Variants in MIER2 observed in about 807,000 individuals in gnomAD.
The protein encoded by MIER2 is MIER family member 2.
In MIER2, 30 loss-of-function variants were observed where a neutral mutation model predicts 67.6. The observed-to-expected ratio is 0.44, with a 90% CI of 0.33 to 0.60. The LOEUF is 0.60. Among genes scored for constraint, MIER2 ranks in the 20% least tolerant of loss-of-function variants. The pLI is 0.02. For synonymous variants in MIER2, 372 were observed against 312.6 expected (o/e 1.19, Z -2.00); for missense variants, 702 against 745.1 (o/e 0.94, Z 0.67).
rs141505934 is a variant in MIER2 at position 308,623 on chromosome 19, G to T, written c.1152C>A (p.Pro384=). 1.8e-3 allele frequency: 2,826 copies of T among 1,606,474 alleles called. 4 individuals carry two copies. The highest frequency in any genetic ancestry group is 2.2e-3 in the Non-Finnish European group (2,645 of 1,177,770). The change falls in exon 12 of 14, where the codon CCC becomes CCA. Residue 384 remains proline, a synonymous_variant. Transcript: ENST00000264819. This position sits in a 1 kb window ranked among gnomAD's most constrained non-coding sequence, Gnocchi z 9.1. The part of the protein sequence containing the change: ...QDLDGSDPDG[P]GRPRPEQDTL... ...TGTCTTGCTCCGGGCGCGGACGGCCGGGGCCATCGGGGTCGCTGCCATCCA... is the reference window on the plus strand; with the variant it reads ...TGTCTTGCTCCGGGCGCGGACGGCCTGGGCCATCGGGGTCGCTGCCATCCA...
At chr19:317,337 C>T (rs1971283450) in intron 7 of MIER2, among the ~76,000 whole-genome samples, 2 of 151,914 alleles carry the variant, frequency 1.3e-5, no homozygotes. Flanking sequence ...ACCACCCGGG[C>T]TAACACGGTG....
rs759416607 is a variant in MIER2, at chr19:330,785, CAAG to C, written c.244-2799_244-2797del. Among the ~76,000 whole-genome samples, 19 of 152,160 alleles carry C rather than the reference CAAG, an allele frequency of 1.2e-4. No individual in the cohort carries two copies. The East Asian group carries it at 3.7e-3, about 30-fold the overall frequency. On this transcript the variant is annotated intron_variant, in intron 3 of 13. Coordinates refer to ENST00000264819, the MANE Select transcript of MIER2 (RefSeq NM_017550.3). ...TCCACCATGTGAGGACACAGCAAGC[CAAG>C]AAGAGAGCCGGCACCAGAACCCACT... is the stretch of plus-strand genomic sequence containing the variant.
In MIER2 at chr19:326,417, G is replaced by C. The variant is rs561466217; in HGVS notation, c.585+90C>G. ...CACGGCCGGGATGCCAGGCTGGGGA[G>C]ACGGCAGAGCCACGGTCGGGATGCC... On this transcript the variant is annotated intron_variant, in intron 6 of 13. Coordinates refer to ENST00000264819, the MANE Select transcript of MIER2 (RefSeq NM_017550.3). 38 of 1,096,712 alleles carry C rather than the reference G, an allele frequency of 3.5e-5. No individual in the cohort carries two copies. The East Asian group carries it at 7.6e-4, about 22-fold the overall frequency. The allele number at this position is 1,096,712 out of a possible 1,614,324, so 67.9% of individuals were successfully genotyped here. A position where few individuals can be genotyped will look rare whatever the true frequency, so the allele number is the denominator to read the frequency against.
At chr19:327,307 G>T (rs766277126) in intron 4 of MIER2, 51 bp from the exon 5 acceptor site, 1 of 1,547,074 alleles carries the variant, frequency 6.5e-7, no homozygotes, top group Admixed American at 2.1e-5. Context: ...TAACAATCTC[G>T]CAATACCACT....
intron 7 of MIER2, 111 bp downstream of exon 7, chr19:325,524 G>A: frequency 8.0e-7 from 1 of 1,245,914 alleles, no homozygotes; most frequent in Non-Finnish European, 1.2e-6. Flanking sequence ...AGCTGCCCCA[G>A]TGAGCGATGC....
rs1157378606 is a variant in MIER2, at chr19:311,521, A to G, written c.984+324T>C. 2.0e-5 allele frequency among the ~76,000 whole-genome samples: 3 copies of G among 152,322 alleles called. No homozygotes were observed. The East Asian group carries it at 5.8e-4, about 29-fold the overall frequency. On this transcript the variant is annotated intron_variant, in intron 10 of 13. Coordinates refer to ENST00000264819, the MANE Select transcript of MIER2 (RefSeq NM_017550.3). ...TGGGGCCAATGCTGGACACTGAGCC[A>G]GCAGGCTCTGCTCAGAGGACACAGA...
In MIER2 at chr19:334,459, C is replaced by G; in HGVS notation, c.184G>C (p.Glu62Gln). 4 of 1,614,190 alleles carry G rather than the reference C, an allele frequency of 2.5e-6. No individual in the cohort carries two copies. The highest frequency in any genetic ancestry group is 3.4e-6 in the Non-Finnish European group (4 of 1,180,026). Residue 62 changes from glutamate to glutamine, a missense_variant, in exon 3 of 14, where the codon GAG becomes CAG. Glu to Gln is a conservative substitution (Grantham distance 29). Transcript: ENST00000264819. The stretch of plus-strand genomic sequence containing the variant: ...GGCTTGTCTGGGCACCTCGAGGCCT[C>G]CTCGCACTCCCCCCTAACACTGTAG... Reference protein sequence around the residue: ...QNYSVRGECEEASRCPDKPKE... With the variant: ...QNYSVRGECEQASRCPDKPKE...
intron 2 of MIER2, among the ~76,000 whole-genome samples, chr19:335,007 C>T (rs1329233550): frequency 2.0e-5 from 3 of 152,128 alleles, no homozygotes; most frequent in African/African-American, 4.8e-5. Flanking sequence ...AATGGGGGCT[C>T]GACAACACCA....
chr19:319,055 CAA>C (rs71171975), intron 7 of MIER2, among the ~76,000 whole-genome samples: 6 of 129,698 alleles, frequency 4.6e-5, no homozygotes, highest in Non-Finnish European at 6.4e-5. Context: ...GACTCTGTCT[CAA>C]AAAAAAAAAA....
Position 327,885 on chromosome 19 carries a change from G to A in MIER2, c.348C>T (p.Leu116=). ...ESEGGDVAPN[L]PDMTLDKEQI... Reference sequence around the variant, plus strand: ...TTACTTTGTCCAGGGTCATGTCTGGGAGGTTCGGGGCCACGTCACCACCCT... The same window carrying A: ...TTACTTTGTCCAGGGTCATGTCTGGAAGGTTCGGGGCCACGTCACCACCCT... The change falls in exon 4 of 14, where the codon CTC becomes CTT. Residue 116 remains leucine (L), a synonymous_variant. Coordinates refer to ENST00000264819, the MANE Select transcript of MIER2 (RefSeq NM_017550.3). The A allele has an allele frequency of 2.5e-6, 4 of 1,612,492 alleles. No homozygotes were observed. The highest frequency in any genetic ancestry group is 3.4e-6 in the Non-Finnish European group (4 of 1,179,224).
At chr19:327,768 T>A in intron 4 of MIER2, 96 bp downstream of exon 4, 2 of 1,534,886 alleles carry the variant, frequency 1.3e-6, no homozygotes, top group Non-Finnish European at 1.7e-6. Context: ...GGGGCCTTTG[T>A]GCCTCCTCTC....
Position 307,293 on chromosome 19 carries a change from G to T in MIER2, c.1442C>A (p.Pro481His). The T allele has an allele frequency of 6.3e-7, 1 of 1,599,630 alleles. No individual in the cohort carries two copies. The highest frequency in any genetic ancestry group is 1.7e-5 in the Admixed American group (1 of 57,428). The change falls in exon 13 of 14, where the codon CCC becomes CAC. Residue 481 changes from proline (P) to histidine (H), a missense_variant. Physicochemically the swap from Pro to His is moderately conservative, Grantham distance 77. Coordinates refer to ENST00000264819, the MANE Select transcript of MIER2 (RefSeq NM_017550.3). ...GAGGTCCACATGGCTGGAGATGAGG[G>T]GCAGCTCCTTGGGCAGGGCGAAGTC... is the stretch of plus-strand genomic sequence containing the variant. ...AVDFALPKEL[P>H]LISSHVDLSG...
intron 1 of MIER2, among the ~76,000 whole-genome samples, chr19:343,648 G>A (rs1168013997): frequency 6.6e-6 from 1 of 152,198 alleles, no homozygotes; most frequent in African/African-American, 2.4e-5. Context: ...GGCTTCCCAC[G>A]AGGCGGCTGT....
At chr19:313,667 C>T (rs766575450) in intron 7 of MIER2, 24 bp from the exon 8 acceptor site, 50 of 1,602,106 alleles carry the variant, frequency 3.1e-5, no homozygotes, top group Non-Finnish European at 2.0e-5. Flanking sequence ...GGGCAAAGGT[C>T]AGCTTGCAGG....
At chr19:309,239 C>T (rs751849487) in intron 10 of MIER2, among the ~76,000 whole-genome samples, 1 of 152,070 alleles carries the variant, frequency 6.6e-6, no homozygotes, top group Non-Finnish European at 1.5e-5. Flanking sequence ...AGGCCTCTGT[C>T]TACTGCTCAC....
chr19:334,475 A>T lies in MIER2; in HGVS notation c.168T>A (p.Val56=). The part of the protein sequence containing the change: ...LAEILSQNYS[V]RGECEEASRC... The stretch of plus-strand genomic sequence containing the variant: ...TCGAGGCCTCCTCGCACTCCCCCCT[A>T]ACACTGTAGTTCTGTGACAGGATCT... The change falls in exon 3 of 14, where the codon GTT becomes GTA. Residue 56 remains valine, a synonymous_variant. Coordinates refer to ENST00000264819, the MANE Select transcript of MIER2 (RefSeq NM_017550.3). 5.6e-6 allele frequency: 9 copies of T among 1,614,076 alleles called. No homozygotes were observed. The highest frequency in any genetic ancestry group is 7.6e-6 in the Non-Finnish European group (9 of 1,179,980).
At chr19:342,073 T>C (rs1024763541) in intron 1 of MIER2, among the ~76,000 whole-genome samples, 2 of 152,078 alleles carry the variant, frequency 1.3e-5, no homozygotes, top group African/African-American at 4.8e-5. Context: ...CTCTCCCCAG[T>C]GTGACTGAAA....
rs1325913504 is a variant in MIER2 at position 327,339 on chromosome 19, A to G, written c.370-83T>C. 5.4e-6 allele frequency: 8 copies of G among 1,481,124 alleles called. No individual in the cohort carries two copies. The East Asian group carries it at 1.9e-4, about 36-fold the overall frequency. The allele number at this position is 1,481,124 out of a possible 1,614,324, so 91.7% of individuals were successfully genotyped here. A position where few individuals can be genotyped will look rare whatever the true frequency, so the allele number is the denominator to read the frequency against. ...CACTAATGATAACAACAGTAAAGAC[A>G]CTGGGAGTGCCCTGAGGCTCACATG... On this transcript the variant is annotated intron_variant, in intron 4 of 13. Transcript: ENST00000264819.
chr19:313,705 G>T, intron 7 of MIER2, 62 bp from the exon 8 acceptor site: 1 of 1,566,520 alleles, frequency 6.4e-7, no homozygotes, highest in Non-Finnish European at 8.6e-7. Context: ...CACACGCCAG[G>T]ACAAGCAAAG....
Sources: gnomAD v4.1 joint callset for allele counts (sites outside exome capture counted in the v4.1 genomes callset) on GRCh38, gnomAD v4.1.1 for gene constraint, Gnocchi (gnomAD v3.1) non-coding constraint, MANE v1.5 for transcripts, NCBI Gene and HGNC (gene_info 2026-07-23, HGNC 2026-07-21) for gene names.